Variants in ZNF532 observed in about 807,000 individuals in gnomAD.
ZNF532 encodes the protein zinc finger protein 532.
Under a neutral mutation model 89.3 loss-of-function variants are expected in ZNF532, and 22 were observed. The ratio of observed to expected loss-of-function variants is 0.25; its 90% CI spans 0.18 to 0.35. ZNF532 has a LOEUF of 0.35. Ranked by LOEUF, ZNF532 falls within the 10% of genes least tolerant of loss-of-function variation. The pLI is 1.00. For synonymous variants in ZNF532, 606 were observed against 649.6 expected, an observed-to-expected ratio of 0.93 and a Z score of 1.02; for missense variants, 1,132 against 1,643.4, an observed-to-expected ratio of 0.69 and a Z score of 5.38.
rs780666086 is a variant in ZNF532, at chr18:58,920,207, G to T, written c.1920G>T (p.Val640=). 3.1e-6 allele frequency: 5 copies of T among 1,613,602 alleles called. No individual in the cohort carries two copies. In the Admixed American group the frequency reaches 5.0e-5, roughly 16 times the overall value. ...CCCAGCACTACGACAGACGGAGCGTGCGCATCGAAGTAACGTGCAACCATT... is the reference window on the plus strand; with the variant it reads ...CCCAGCACTACGACAGACGGAGCGTTCGCATCGAAGTAACGTGCAACCATT... The part of the protein sequence containing the change: ...SLTQHYDRRS[V]RIEVTCNHCT... Residue 640 remains valine, a synonymous_variant, in exon 3 of 10, where the codon GTG becomes GTT. Transcript: ENST00000591808.
At chr18:58,889,211 T>C (rs982750868) in intron 2 of ZNF532, among the ~76,000 whole-genome samples, 1 of 151,970 alleles carries the variant, frequency 6.6e-6, no homozygotes, top group East Asian at 1.9e-4. Context: ...ATTTTAGATA[T>C]ATATGCCTAA....
At chr18:58,979,959 T>C (rs764155122) in intron 8 of ZNF532, 1 of 152,256 alleles carries the variant, frequency 6.6e-6, no homozygotes, top group Non-Finnish European at 1.5e-5. Context: ...CACCAGAACG[T>C]ATCTCATCAT....
At chr18:58,904,714 A>G (rs1376720901) in intron 2 of ZNF532, among the ~76,000 whole-genome samples, 1 of 152,142 alleles carries the variant, frequency 6.6e-6, no homozygotes, top group Admixed American at 6.5e-5. Flanking sequence ...AAAAAGATAA[A>G]CCAAATAAAT....
Position 58,918,776 on chromosome 18 carries a change from G to T in ZNF532, c.489G>T (p.Val163=). ...TGCGATCAAGCTTCAGGTCGAATGT[G>T]TTGACGGGGTCGGCTCCCCAGCAGG... ...EDMRSSFRSN[V]LTGSAPQQDY... The change falls in exon 3 of 10, where the codon GTG becomes GTT. Residue 163 remains valine (V), a synonymous_variant. Transcript: ENST00000591808. 1 of 1,614,220 alleles carries T rather than the reference G, an allele frequency of 6.2e-7. No individual in the cohort carries two copies. The highest frequency in any genetic ancestry group is 8.5e-7 in the Non-Finnish European group (1 of 1,180,038).
At position 58,985,090 on chromosome 18, in the gene ZNF532, G is replaced by A. The variant is rs1379633244; in HGVS notation, c.*624G>A. On this transcript the variant is annotated 3_prime_UTR_variant, in exon 10 of 10. Transcript: ENST00000591808. ...AAGGGTGTTTAAAGCAGTCTTGCAG[G>A]TCGCTCCTTTCCCAGCCGTGGATAA... The A allele has an allele frequency of 2.0e-5, 3 of 152,168 alleles. No individual in the cohort carries two copies. Among genetic ancestry groups the A allele is most frequent in the Non-Finnish European group, 4.4e-5 (3 of 68,060 alleles). The allele number at this position is 152,168 out of a possible 1,614,324, so 9.4% of individuals were successfully genotyped here.
At chr18:58,968,420 T>C (rs1208770549) in intron 7 of ZNF532, among the ~76,000 whole-genome samples, 1 of 152,240 alleles carries the variant, frequency 6.6e-6, no homozygotes, top group Non-Finnish European at 1.5e-5. Context: ...TCTAGCTCCT[T>C]ACCCCTCTCT....
chr18:58,984,548 A>C lies in ZNF532; in HGVS notation c.*82A>C, dbSNP rs1363474435. ...TGTTACAAAGTTTGCAGTATAATAGAGTTAACAGTACTGTCTAGGCTGTTG... is the reference window on the plus strand; with the variant it reads ...TGTTACAAAGTTTGCAGTATAATAGCGTTAACAGTACTGTCTAGGCTGTTG... On this transcript the variant is annotated 3_prime_UTR_variant, in exon 10 of 10. Coordinates refer to ENST00000591808, the MANE Select transcript of ZNF532 (RefSeq NM_001375912.1). 6 of 1,492,040 alleles carry C rather than the reference A, an allele frequency of 4.0e-6. No homozygotes were observed. Among genetic ancestry groups the C allele is most frequent in the Non-Finnish European group, 5.4e-6 (6 of 1,115,910 alleles). 92.4% of individuals were successfully genotyped at this position (1,492,040 alleles called of 1,614,324 possible). A position where few individuals can be genotyped will look rare whatever the true frequency, so the allele number is the denominator to read the frequency against.
At chr18:58,983,438 T>C (rs992531974) in intron 9 of ZNF532, among the ~76,000 whole-genome samples, 2 of 152,160 alleles carry the variant, frequency 1.3e-5, no homozygotes, top group Non-Finnish European at 2.9e-5. Context: ...CTAGCCCCTC[T>C]TCTGTTGCCC....
chr18:58,906,858 G>A (rs1032025327), intron 2 of ZNF532, among the ~76,000 whole-genome samples: 1 of 152,202 alleles, frequency 6.6e-6, no homozygotes, highest in African/African-American at 2.4e-5. Context: ...TGGATTGATA[G>A]TGTTTTTGGA....
chr18:58,873,070 C>T (rs1030622699), intron 2 of ZNF532, among the ~76,000 whole-genome samples: 6 of 151,900 alleles, frequency 3.9e-5, no homozygotes, highest in East Asian at 3.9e-4. Context: ...TGCAGTGCTG[C>T]GATCTTTGCT....
At chr18:58,905,733 C>T in intron 2 of ZNF532, among the ~76,000 whole-genome samples, 1 of 152,244 alleles carries the variant, frequency 6.6e-6, no homozygotes, top group East Asian at 1.9e-4. Context: ...AAGCAACCAA[C>T]CACCAACAAC....
Position 58,979,172 on chromosome 18 carries a change from G to A in ZNF532, c.3263+5G>A. ...CAGGAAAGTGTACGCCTGCTCGTAA[G>A]TCCTGGTTTCTAACGGAACGCAGTG... On this transcript the variant is annotated splice_donor_5th_base_variant and intron_variant, in intron 8 of 9. Coordinates refer to ENST00000591808, the MANE Select transcript of ZNF532 (RefSeq NM_001375912.1). The A allele has an allele frequency of 6.2e-7, 1 of 1,606,322 alleles. No homozygotes were observed. Among genetic ancestry groups the A allele is most frequent in the Non-Finnish European group, 8.5e-7 (1 of 1,173,662 alleles).
chr18:58,976,233 T>A (rs930214756), intron 7 of ZNF532, among the ~76,000 whole-genome samples: 3 of 152,232 alleles, frequency 2.0e-5, no homozygotes, highest in African/African-American at 7.2e-5. Flanking sequence ...TCTGCATTTT[T>A]CATAAAGATG....
At chr18:58,899,828 TTTCTC>T (rs1460728993) in intron 2 of ZNF532, among the ~76,000 whole-genome samples, 3 of 152,188 alleles carry the variant, frequency 2.0e-5, no homozygotes, top group Admixed American at 6.5e-5. Context: ...TTTCATACCT[TTTCTC>T]TTCTATCGTC....
rs961431296 is a variant in ZNF532 at position 58,983,655 on chromosome 18, G to T, written c.3412-317G>T. ...CACCCTGCTTGGCTGTCCTGGGTCT[G>T]ACATACTGCATATTTTCTCATTTGT... On this transcript the variant is annotated intron_variant, in intron 9 of 9. Transcript: ENST00000591808. 2.0e-5 allele frequency among the ~76,000 whole-genome samples: 3 copies of T among 152,160 alleles called. No individual in the cohort carries two copies. The East Asian group carries it at 5.8e-4, about 30-fold the overall frequency.
chr18:58,920,885 G>GGTGGCA (rs956371677), intron 3 of ZNF532, among the ~76,000 whole-genome samples: 2 of 151,944 alleles, frequency 1.3e-5, no homozygotes, highest in African/African-American at 4.8e-5. Flanking sequence ...GGGATGTGGT[G>GGTGGCA]GTGGCAGTGG....
chr18:58,875,768 C>G (rs2057371848), intron 2 of ZNF532, among the ~76,000 whole-genome samples: 1 of 152,142 alleles, frequency 6.6e-6, no homozygotes, highest in Admixed American at 6.6e-5. Flanking sequence ...AGATTTGAAC[C>G]AGGGTCTGGC....
intron 2 of ZNF532, among the ~76,000 whole-genome samples, chr18:58,881,666 G>T (rs1196913953): frequency 1.3e-5 from 2 of 152,182 alleles, no homozygotes; most frequent in East Asian, 3.9e-4. Context: ...GTGTCCTGTG[G>T]TTTATAGGTG....
At chr18:58,939,275 A>AAC (rs1250120505) in intron 4 of ZNF532, among the ~76,000 whole-genome samples, 170 bp from the exon 5 acceptor site, 7 of 146,796 alleles carry the variant, frequency 4.8e-5, no homozygotes, top group Non-Finnish European at 7.5e-5. Context: ...AAAAAAAAAA[A>AAC]CCCATAAACA....
Sources: gnomAD v4.1 joint callset for allele counts (sites outside exome capture counted in the v4.1 genomes callset) on GRCh38, gnomAD v4.1.1 for gene constraint, MANE v1.5 for transcripts, NCBI Gene and HGNC (gene_info 2026-07-23, HGNC 2026-07-21) for gene names.